Variants in TBCK observed in about 807,000 individuals in gnomAD.
The protein encoded by TBCK is TBC1 domain containing kinase.
TBCK carries 99 observed loss-of-function variants against 113.4 expected under a neutral mutation model. The ratio of observed to expected loss-of-function variants is 0.87; its 90% CI spans 0.74 to 1.03. TBCK has a LOEUF of 1.03. TBCK is among the 50% of genes least tolerant of loss of function. The pLI, the probability that TBCK is intolerant of heterozygous loss-of-function variation, is 0.00. For synonymous variants in TBCK, 369 were observed against 370.8 expected (o/e 1.00, Z 0.05); for missense variants, 1,045 against 1,061.3 (o/e 0.98, Z 0.21).
In TBCK at chr4:106,044,962, G is replaced by A. The variant is rs1170120298; in HGVS notation, c.*1608C>T. The A allele has an allele frequency of 6.6e-6, 1 of 151,484 alleles. No individual in the cohort carries two copies. The highest frequency in any genetic ancestry group is 2.4e-5 in the African/African-American group (1 of 41,224). 9.4% of individuals were successfully genotyped at this position (151,484 alleles called of 1,614,324 possible). A position where few individuals can be genotyped will look rare whatever the true frequency, so the allele number is the denominator to read the frequency against. On this transcript the variant is annotated 3_prime_UTR_variant, in exon 26 of 26. Transcript: ENST00000394708. Reference sequence around the variant, plus strand: ...GTTATAGATGAATGAACACTTTTTAGTTAAAACAAAATTGAAGATAATTAA... The same window carrying A: ...GTTATAGATGAATGAACACTTTTTAATTAAAACAAAATTGAAGATAATTAA...
At chr4:106,183,374 C>T (rs983218114) in intron 22 of TBCK, among the ~76,000 whole-genome samples, 1 of 151,954 alleles carries the variant, frequency 6.6e-6, no homozygotes, top group Admixed American at 6.6e-5. Flanking sequence ...CCACCAGTAC[C>T]ACCACCCCAG....
At chr4:106,312,604 A>G (rs1310670783) in intron 1 of TBCK, among the ~76,000 whole-genome samples, 6 of 152,212 alleles carry the variant, frequency 3.9e-5, no homozygotes, top group African/African-American at 1.4e-4. Flanking sequence ...TCTTTAACCA[A>G]GAAAAATGAA....
intron 25 of TBCK, among the ~76,000 whole-genome samples, chr4:106,049,861 A>G (rs889007776): frequency 6.6e-6 from 1 of 152,066 alleles, no homozygotes; most frequent in Non-Finnish European, 1.5e-5. Flanking sequence ...TTCTTGGGAC[A>G]GATCTCTGAC....
intron 11 of TBCK, among the ~76,000 whole-genome samples, chr4:106,244,415 TG>T (rs1349527234): frequency 3.9e-5 from 6 of 152,144 alleles, no homozygotes; most frequent in Admixed American, 3.9e-4. Context: ...AGACAACTGA[TG>T]GGAACTCTGC....
At chr4:106,138,000 G>A (rs2149643334) in intron 23 of TBCK, among the ~76,000 whole-genome samples, 1 of 141,402 alleles carries the variant, frequency 7.1e-6, no homozygotes, top group East Asian at 2.0e-4. Flanking sequence ...TTAACAAAGG[G>A]AATATGTTCT....
chr4:106,150,603 TA>T (rs1333025445), intron 23 of TBCK, among the ~76,000 whole-genome samples: 3 of 152,144 alleles, frequency 2.0e-5, no homozygotes, highest in African/African-American at 7.2e-5. Context: ...GTTAATTCAC[TA>T]AAAAAATTAT....
At chr4:106,230,601 C>CAT (rs1758752598) in intron 18 of TBCK, among the ~76,000 whole-genome samples, 155 bp from the exon 19 acceptor site, 1 of 151,766 alleles carries the variant, frequency 6.6e-6, no homozygotes, top group African/African-American at 2.4e-5. Flanking sequence ...AGATAAAAGC[C>CAT]TCTATGCTTT....
intron 5 of TBCK, among the ~76,000 whole-genome samples, chr4:106,252,262 C>G (rs1190063805): frequency 1.3e-5 from 2 of 152,070 alleles, no homozygotes; most frequent in African/African-American, 2.4e-5. Context: ...ATTTGCTTCT[C>G]TCTGTGTTTT....
intron 20 of TBCK, among the ~76,000 whole-genome samples, chr4:106,207,537 CACAA>C (rs1209246484): frequency 8.5e-5 from 13 of 152,158 alleles, no homozygotes; most frequent in African/African-American, 3.1e-4. Flanking sequence ...ATGCTATATA[CACAA>C]ACTAATAAAA....
chr4:106,222,461 T>C (rs1462761414), intron 19 of TBCK, among the ~76,000 whole-genome samples: 1 of 152,158 alleles, frequency 6.6e-6, no homozygotes, highest in Non-Finnish European at 1.5e-5. Context: ...GCCCTACATA[T>C]AGGTATCCTT....
chr4:106,275,312 C>T (rs1257426789), intron 3 of TBCK, among the ~76,000 whole-genome samples: 7 of 152,236 alleles, frequency 4.6e-5, no homozygotes, highest in African/African-American at 1.2e-4. Flanking sequence ...AAAAACCTTA[C>T]AGCTAAGACC....
chr4:106,290,579 C>T (rs2125827782), intron 3 of TBCK, among the ~76,000 whole-genome samples: 1 of 152,298 alleles, frequency 6.6e-6, no homozygotes, highest in African/African-American at 2.4e-5. Context: ...TTTCTAAATA[C>T]ATATAAAAGT....
At chr4:106,153,172 TTTC>T (rs1290399844) in intron 23 of TBCK, among the ~76,000 whole-genome samples, 3 of 152,104 alleles carry the variant, frequency 2.0e-5, no homozygotes, top group Non-Finnish European at 4.4e-5. Context: ...ATTTGATGTT[TTTC>T]TTCTTTTTTG....
At chr4:106,165,281 T>G (rs1750238471) in intron 23 of TBCK, among the ~76,000 whole-genome samples, 1 of 151,786 alleles carries the variant, frequency 6.6e-6, no homozygotes, top group South Asian at 2.1e-4. Flanking sequence ...TTTTAGCTAT[T>G]TAAGAGAAAA....
At chr4:106,198,315 A>G (rs548024394) in intron 20 of TBCK, among the ~76,000 whole-genome samples, 1 of 152,284 alleles carries the variant, frequency 6.6e-6, no homozygotes, top group African/African-American at 2.4e-5. Flanking sequence ...AATGCTTTGT[A>G]AACAGTAACA....
At chr4:106,078,252 C>G (rs530021181) in intron 25 of TBCK, among the ~76,000 whole-genome samples, 3 of 151,962 alleles carry the variant, frequency 2.0e-5, no homozygotes, top group African/African-American at 7.3e-5. Flanking sequence ...CAAACCAAAC[C>G]CAAAGCTAGC....
chr4:106,178,601 A>C (rs1172919744), intron 22 of TBCK, among the ~76,000 whole-genome samples: 1 of 151,926 alleles, frequency 6.6e-6, no homozygotes, highest in Non-Finnish European at 1.5e-5. Flanking sequence ...GATCCTGTTA[A>C]GTGATGTAGC....
chr4:106,272,125 T>G (rs1763554537), intron 3 of TBCK, among the ~76,000 whole-genome samples: 1 of 149,132 alleles, frequency 6.7e-6, no homozygotes. Flanking sequence ...AGATAATAGG[T>G]TTTAGATTTA....
chr4:106,109,971 A>G (rs1742647810), intron 24 of TBCK, among the ~76,000 whole-genome samples: 1 of 152,016 alleles, frequency 6.6e-6, no homozygotes, highest in Non-Finnish European at 1.5e-5. Context: ...GGAGCCCGAG[A>G]GCGAAGGTTA....
Sources: allele counts gnomAD v4.1 joint callset (sites outside exome capture counted in the v4.1 genomes callset), GRCh38; gene constraint gnomAD v4.1.1; transcripts MANE v1.5; gene names NCBI Gene and HGNC (gene_info 2026-07-23, HGNC 2026-07-21).